Variants in DYNC2H1 observed in about 807,000 individuals in gnomAD.
DYNC2H1 encodes dynein cytoplasmic 2 heavy chain 1.
A neutral mutation model predicts 570.0 loss-of-function variants in DYNC2H1; 410 were observed. The ratio of observed to expected loss-of-function variants is 0.72; its 90% CI spans 0.66 to 0.78. DYNC2H1 has a LOEUF of 0.78. Among genes scored for constraint, DYNC2H1 ranks in the 30% least tolerant of loss-of-function variants. The pLI is 0.00. For missense variants in DYNC2H1, 4,865 were observed against 5,046.4 expected, an observed-to-expected ratio of 0.96 and a Z score of 1.09; for synonymous variants, 1,688 against 1,677.6, an observed-to-expected ratio of 1.01 and a Z score of -0.15.
At chr11:103,111,591 C>T (rs1036028571) in intron 1 of DYNC2H1, among the ~76,000 whole-genome samples, 1 of 152,090 alleles carries the variant, frequency 6.6e-6, no homozygotes. Context: ...GTTGTAAATG[C>T]CACTGAAAGT....
At chr11:103,333,904 G>A (rs1938969731) in intron 82 of DYNC2H1, among the ~76,000 whole-genome samples, 1 of 151,938 alleles carries the variant, frequency 6.6e-6, no homozygotes, top group South Asian at 2.1e-4. Flanking sequence ...AACTCTAGGA[G>A]GTTTCTTTTG....
chr11:103,188,344 A>G (rs922769930), intron 43 of DYNC2H1, among the ~76,000 whole-genome samples, 153 bp from the exon 44 acceptor site: 1 of 152,082 alleles, frequency 6.6e-6, no homozygotes, highest in African/African-American at 2.4e-5. Flanking sequence ...TTTCAGTGAT[A>G]TAATAATTTA....
At chr11:103,138,658 A>G (rs1479658586) in intron 17 of DYNC2H1, among the ~76,000 whole-genome samples, 2 of 152,176 alleles carry the variant, frequency 1.3e-5, no homozygotes, top group African/African-American at 4.8e-5. Context: ...CATCAAGGAT[A>G]TTGGTCTGAA....
chr11:103,479,194 G>C lies in DYNC2H1; in HGVS notation c.12865G>C (p.Gly4289Arg), dbSNP rs144717489. Residue 4289 changes from glycine to arginine, a missense_variant, in exon 89 of 89, where the codon GGG (glycine) becomes CGG (arginine). Around this residue, in one of 5 missense-constraint regions of DYNC2H1, gnomAD observed 2,401 missense variants for 2,454.6 expected, o/e 0.98. Transcript: ENST00000375735. ...GGTTACCAATATTGATGTTCCATGTGGGGGCAACCAAGACCAGTGGATTCA... is the reference window on the plus strand; with the variant it reads ...GGTTACCAATATTGATGTTCCATGTCGGGGCAACCAAGACCAGTGGATTCA... The part of the protein sequence containing the change: ...RVVTNIDVPC[G>R]GNQDQWIQCG... The C allele has an allele frequency of 0.013, 21,704 of 1,613,766 alleles. 206 individuals carry two copies. Among genetic ancestry groups the C allele is most frequent in the Non-Finnish European group, 0.014 (17,057 of 1,179,800 alleles).
In DYNC2H1 at chr11:103,154,437, A is replaced by G. The variant is rs1860713567; in HGVS notation, c.3303-14A>G. ...TGTTTTTAAAATTTAATATTTCAAT[A>G]TTTGTTTCTATAGTGATGATTGCCA... On this transcript the variant is annotated splice_polypyrimidine_tract_variant and intron_variant, in intron 22 of 88. Transcript: ENST00000375735. 6.6e-7 allele frequency: 1 copy of G among 1,505,344 alleles called. No individual in the cohort carries two copies. The allele number at this position is 1,505,344 out of a possible 1,614,324, so 93.2% of individuals were successfully genotyped here.
intron 82 of DYNC2H1, among the ~76,000 whole-genome samples, chr11:103,351,209 T>C (rs1428553283): frequency 6.6e-6 from 1 of 152,146 alleles, no homozygotes; most frequent in Non-Finnish European, 1.5e-5. Flanking sequence ...TTGTAGACGG[T>C]GCTGGCTATT....
At chr11:103,362,035 A>T (rs780815517) in intron 83 of DYNC2H1, among the ~76,000 whole-genome samples, 11 of 150,940 alleles carry the variant, frequency 7.3e-5, no homozygotes, top group Non-Finnish European at 1.5e-4. Flanking sequence ...GAGGAGCTGG[A>T]GTCAATGTAT....
chr11:103,272,677 A>G (rs1865758030), intron 70 of DYNC2H1, among the ~76,000 whole-genome samples: 1 of 152,190 alleles, frequency 6.6e-6, no homozygotes, highest in Non-Finnish European at 1.5e-5. Flanking sequence ...CTATGCCTGG[A>G]AATGTGGACT....
At chr11:103,169,585 A>T (rs1861486840) in intron 32 of DYNC2H1, among the ~76,000 whole-genome samples, 1 of 152,140 alleles carries the variant, frequency 6.6e-6, no homozygotes, top group Non-Finnish European at 1.5e-5. Context: ...GAGGAAAAAC[A>T]CACTGTAAAT....
At chr11:103,165,094 C>A (rs1048415528) in intron 30 of DYNC2H1, among the ~76,000 whole-genome samples, 3 of 152,188 alleles carry the variant, frequency 2.0e-5, no homozygotes, top group African/African-American at 7.2e-5. Flanking sequence ...AGTTGGCTTT[C>A]TTTTCCATAA....
In DYNC2H1 at chr11:103,257,590, T is replaced by C. The variant is rs766206054; in HGVS notation, c.10462-18T>C. 1 of 1,602,858 alleles carries C rather than the reference T, an allele frequency of 6.2e-7. No individual in the cohort carries two copies. Among genetic ancestry groups the C allele is most frequent in the Non-Finnish European group, 8.5e-7 (1 of 1,173,608 alleles). ...AAGGTGTTTCCACCCTATCCCCTAC[T>C]GATCTCTTGATCCATAGGAACGGGA... On this transcript the variant is annotated intron_variant, in intron 68 of 88. Coordinates refer to ENST00000375735, the MANE Select transcript of DYNC2H1 (RefSeq NM_001377.3).
Position 103,249,643 on chromosome 11 carries a change from A to C in DYNC2H1, c.10043-3642A>C, listed in dbSNP as rs2135243474. ...CTAGACTGAGATCTGGCCAGATTCT[A>C]ATAGCTTGGACTTTGTGTACTCCTG... On this transcript the variant is annotated intron_variant, in intron 65 of 88. Transcript: ENST00000375735. The surrounding 1 kb of genome is among the most constrained non-coding windows in gnomAD (Gnocchi z 4.6). Among the ~76,000 whole-genome samples the C allele has an allele frequency of 6.6e-6, 1 of 152,154 alleles. No homozygotes were observed. Among genetic ancestry groups the C allele is most frequent in the East Asian group, 1.9e-4 (1 of 5,182 alleles).
At chr11:103,159,747 T>A (rs1032217078) in intron 28 of DYNC2H1, among the ~76,000 whole-genome samples, 5 of 152,196 alleles carry the variant, frequency 3.3e-5, no homozygotes, top group Non-Finnish European at 2.9e-5. Flanking sequence ...AAAAGAGCTG[T>A]ATTTTTCAAA....
At chr11:103,162,983 T>C (rs1565356434) in intron 29 of DYNC2H1, 45 bp from the exon 30 acceptor site, 1 of 1,538,378 alleles carries the variant, frequency 6.5e-7, no homozygotes, top group Non-Finnish European at 8.9e-7. Flanking sequence ...TATTTTCCAG[T>C]TTATTTTATG....
chr11:103,253,245 G>T, intron 65 of DYNC2H1, 40 bp from the exon 66 acceptor site: 2 of 1,563,174 alleles, frequency 1.3e-6, no homozygotes, highest in African/African-American at 1.4e-5. Flanking sequence ...GTGAAATACA[G>T]AAGATTCAGA....
At chr11:103,400,066 G>A (rs1942573805) in intron 84 of DYNC2H1, among the ~76,000 whole-genome samples, 194 bp downstream of exon 84, 1 of 152,092 alleles carries the variant, frequency 6.6e-6, no homozygotes, top group Non-Finnish European at 1.5e-5. Flanking sequence ...CTTGATGTAG[G>A]AACTTAAATT....
At chr11:103,248,463 A>G (rs1465932494) in intron 65 of DYNC2H1, among the ~76,000 whole-genome samples, 2 of 152,060 alleles carry the variant, frequency 1.3e-5, no homozygotes, top group Non-Finnish European at 2.9e-5. Flanking sequence ...AGAATATAAA[A>G]GAGAAATAAT....
Position 103,199,556 on chromosome 11 carries a change from G to A in DYNC2H1, c.8088+80G>A, listed in dbSNP as rs1356358972. The A allele has an allele frequency of 1.5e-6, 2 of 1,311,252 alleles. No individual in the cohort carries two copies. Among genetic ancestry groups the A allele is most frequent in the Non-Finnish European group, 9.9e-7 (1 of 1,010,182 alleles). The allele number at this position is 1,311,252 out of a possible 1,614,324, so 81.2% of individuals were successfully genotyped here. A position where few individuals can be genotyped will look rare whatever the true frequency, so the allele number is the denominator to read the frequency against. ...CTCTAAACATCTTTAAAGACCTAAA[G>A]GTTTAAAGAACTAAAGTTTTAAAGA... On this transcript the variant is annotated intron_variant, in intron 49 of 88. Coordinates refer to ENST00000375735, the MANE Select transcript of DYNC2H1 (RefSeq NM_001377.3). This position sits in a 1 kb window ranked among gnomAD's most constrained non-coding sequence, Gnocchi z 4.6.
chr11:103,166,661 T>A (rs774534086), intron 31 of DYNC2H1, among the ~76,000 whole-genome samples: 1 of 152,214 alleles, frequency 6.6e-6, no homozygotes, highest in South Asian at 2.1e-4. Flanking sequence ...CTGAGCTATA[T>A]GTTTTCTGAT....
Sources: allele counts gnomAD v4.1 joint callset (sites outside exome capture counted in the v4.1 genomes callset), GRCh38; gene constraint gnomAD v4.1.1; regional missense constraint gnomAD v4.1.1; non-coding constraint Gnocchi (gnomAD v3.1); transcripts MANE v1.5; gene names NCBI Gene and HGNC (gene_info 2026-07-23, HGNC 2026-07-21).